Variants in BABAM2 observed in about 807,000 individuals in gnomAD.
BABAM2 encodes BRISC and BRCA1-A complex member 2.
BABAM2 carries 31 observed loss-of-function variants against 54.7 expected under a neutral mutation model. The ratio of observed to expected loss-of-function variants is 0.57; its 90% CI spans 0.43 to 0.77. The LOEUF is 0.77. Ranked by LOEUF, BABAM2 falls within the 30% of genes least tolerant of loss-of-function variation. The probability of loss-of-function intolerance (pLI) is 0.00; values close to 1 mark genes in which losing one functional copy is unlikely to be tolerated. For missense variants in BABAM2, 364 were observed against 455.8 expected (o/e 0.80, Z 1.83); for synonymous variants, 167 against 162.9 (o/e 1.03, Z -0.19).
chr2:28,222,454 A>T (rs904557796), intron 7 of BABAM2, among the ~76,000 whole-genome samples: 4 of 152,196 alleles, frequency 2.6e-5, no homozygotes, highest in Admixed American at 2.6e-4. Flanking sequence ...GAGCGAAACT[A>T]CTTTCGGCCC....
chr2:28,197,611 C>T (rs1677750069), intron 7 of BABAM2, among the ~76,000 whole-genome samples: 1 of 152,116 alleles, frequency 6.6e-6, no homozygotes, highest in African/African-American at 2.4e-5. Context: ...TAGAAGGAAT[C>T]AAAGAATTGT....
chr2:27,944,230 G>T (rs1220201911), intron 3 of BABAM2, among the ~76,000 whole-genome samples: 2 of 152,004 alleles, frequency 1.3e-5, no homozygotes, highest in Non-Finnish European at 2.9e-5. Context: ...TTTTATTGAG[G>T]TAGTGTAATT....
At chr2:28,049,524 C>A (rs921377730) in intron 6 of BABAM2, among the ~76,000 whole-genome samples, 1 of 152,162 alleles carries the variant, frequency 6.6e-6, no homozygotes, top group African/African-American at 2.4e-5. Context: ...ACACACTGAG[C>A]CCATTCATCC....
intron 10 of BABAM2, among the ~76,000 whole-genome samples, chr2:28,290,236 G>T (rs542884674): frequency 7.2e-5 from 11 of 152,176 alleles, no homozygotes; most frequent in Non-Finnish European, 1.5e-4. Flanking sequence ...GTCTCCTGTT[G>T]ATAGACATTT....
At chr2:28,121,028 A>T (rs890019512) in intron 6 of BABAM2, among the ~76,000 whole-genome samples, 1 of 152,184 alleles carries the variant, frequency 6.6e-6, no homozygotes, top group African/African-American at 2.4e-5. Flanking sequence ...GGAGGAACCA[A>T]ATCAGAAGTA....
intron 7 of BABAM2, among the ~76,000 whole-genome samples, chr2:28,166,742 T>C (rs190526323): frequency 6.6e-6 from 1 of 152,322 alleles, no homozygotes; most frequent in East Asian, 1.9e-4. Flanking sequence ...CAGTGATAAG[T>C]AATGCCTTTC....
At chr2:28,056,431 C>T (rs1457816347) in intron 6 of BABAM2, among the ~76,000 whole-genome samples, 1 of 152,092 alleles carries the variant, frequency 6.6e-6, no homozygotes, top group East Asian at 1.9e-4. Context: ...GAGAGCCTTC[C>T]TCTTTTGGCT....
intron 7 of BABAM2, among the ~76,000 whole-genome samples, chr2:28,230,212 A>T (rs969037858): frequency 6.6e-6 from 1 of 152,092 alleles, no homozygotes; most frequent in Non-Finnish European, 1.5e-5. Context: ...ATTTTCTTCC[A>T]CTGGTGTACT....
intron 7 of BABAM2, among the ~76,000 whole-genome samples, chr2:28,188,111 G>A (rs115084191): frequency 3.9e-5 from 6 of 152,278 alleles, no homozygotes; most frequent in East Asian, 3.9e-4. Flanking sequence ...AGACTAGGTA[G>A]CCTCTGAGGT....
At chr2:28,207,105 AC>A (rs1276494512) in intron 7 of BABAM2, among the ~76,000 whole-genome samples, 1 of 152,222 alleles carries the variant, frequency 6.6e-6, no homozygotes, top group Non-Finnish European at 1.5e-5. Flanking sequence ...TGAGGACTTA[AC>A]CACTACACTA....
chr2:28,050,923 G>A (rs1677950434), intron 6 of BABAM2, among the ~76,000 whole-genome samples: 1 of 152,146 alleles, frequency 6.6e-6, no homozygotes, highest in Admixed American at 6.5e-5. Context: ...TAGGTTGCAA[G>A]AGAAATTTCC....
intron 11 of BABAM2, chr2:28,309,887 A>G (rs17677398): frequency 0.11 from 62,588 of 568,518 alleles, 4,089 homozygotes; most frequent in African/African-American, 0.18. Context: ...CGACACAGGA[A>G]TTGGGGACTG....
chr2:28,292,597 A>G (rs1290179738), intron 10 of BABAM2, among the ~76,000 whole-genome samples: 1 of 152,180 alleles, frequency 6.6e-6, no homozygotes, highest in Non-Finnish European at 1.5e-5. Context: ...CAGCCACACA[A>G]TGATGACAGG....
chr2:28,243,269 C>T (rs1044863195), intron 9 of BABAM2, among the ~76,000 whole-genome samples: 2 of 152,106 alleles, frequency 1.3e-5, no homozygotes, highest in African/African-American at 4.8e-5. Context: ...CACAGTGGCT[C>T]ACACTTGTAA....
At chr2:28,032,972 C>G (rs1310469954) in intron 5 of BABAM2, among the ~76,000 whole-genome samples, 3 of 152,146 alleles carry the variant, frequency 2.0e-5, no homozygotes, top group Non-Finnish European at 4.4e-5. Context: ...GTGTATAGTT[C>G]TGTGCCACTT....
chr2:27,958,049 G>T (rs1035665327), intron 3 of BABAM2, among the ~76,000 whole-genome samples: 3 of 152,150 alleles, frequency 2.0e-5, no homozygotes, highest in Admixed American at 6.6e-5. Context: ...GTGAAATTGT[G>T]TTCGGCCTTT....
At chr2:28,293,569 C>T (rs1056994875) in intron 10 of BABAM2, among the ~76,000 whole-genome samples, 1 of 152,198 alleles carries the variant, frequency 6.6e-6, no homozygotes, top group Admixed American at 6.5e-5. Context: ...CAGTGACTGT[C>T]CAGAGTGAGG....
intron 7 of BABAM2, among the ~76,000 whole-genome samples, chr2:28,234,642 C>G (rs1444241433): frequency 6.6e-6 from 1 of 152,168 alleles, no homozygotes; most frequent in Non-Finnish European, 1.5e-5. Flanking sequence ...TCTAAGTGAG[C>G]GATGAGTAGC....
Position 27,899,518 on chromosome 2 carries a change from A to G in BABAM2, c.128+4834A>G, listed in dbSNP as rs190920766. Among the ~76,000 whole-genome samples, 620 of 150,232 alleles carry G rather than the reference A, an allele frequency of 4.1e-3. 3 individuals carry two copies. Among genetic ancestry groups the G allele is most frequent in the Admixed American group, 7.5e-3 (112 of 15,022 alleles). On this transcript the variant is annotated intron_variant, in intron 2 of 11. Transcript: ENST00000379624. Reference sequence around the variant, plus strand: ...TGACAGAGTTTCGCTCTTGTTGCCCAGGCTGGAGGGCAATGGCGCGATCTT... The same window carrying G: ...TGACAGAGTTTCGCTCTTGTTGCCCGGGCTGGAGGGCAATGGCGCGATCTT...
Sources: gnomAD v4.1 joint callset for allele counts (sites outside exome capture counted in the v4.1 genomes callset) on GRCh38, gnomAD v4.1.1 for gene constraint, MANE v1.5 for transcripts, NCBI Gene and HGNC (gene_info 2026-07-23, HGNC 2026-07-21) for gene names.